Variants in PAK5 observed in about 807,000 individuals in gnomAD.
PAK5 encodes the protein p21 (RAC1) activated kinase 5, also known as serine/threonine-protein kinase PAK 5.
In PAK5, 16 loss-of-function variants were observed where a neutral mutation model predicts 65.9. The observed-to-expected ratio is 0.24, with a 90% confidence interval of 0.16 to 0.37. PAK5 has a LOEUF of 0.37. Ranked by LOEUF, PAK5 falls within the 10% of genes least tolerant of loss-of-function variation. The pLI, the probability that PAK5 is intolerant of heterozygous loss-of-function variation, is 1.00. For missense variants in PAK5, 785 were observed against 903.9 expected (o/e 0.87, Z 1.69); for synonymous variants, 371 against 354.9 (o/e 1.05, Z -0.51).
intron 7 of PAK5, among the ~76,000 whole-genome samples, 155 bp from the exon 8 acceptor site, chr20:9,544,649 G>T (rs577514254): frequency 6.6e-6 from 1 of 152,282 alleles, no homozygotes; most frequent in African/African-American, 2.4e-5. Flanking sequence ...CCTTTTATTG[G>T]AAAGGCATGG....
rs112697891 is a variant in PAK5 at position 9,545,392 on chromosome 20, C to T, written c.1744-898G>A. 5.7e-3 allele frequency among the ~76,000 whole-genome samples: 868 copies of T among 152,280 alleles called. 6 individuals carry two copies. The highest frequency in any genetic ancestry group is 0.02 in the African/African-American group (814 of 41,552). On this transcript the variant is annotated intron_variant, in intron 7 of 9. Transcript: ENST00000353224. ...ATGATGACCTGGTCTGAACTTCAAA[C>T]AGCCTTATGAAAGTGACATCAAAGA...
intron 1 of PAK5, among the ~76,000 whole-genome samples, chr20:9,775,997 A>T (rs1023851408): frequency 5.9e-5 from 9 of 152,252 alleles, no homozygotes; most frequent in Non-Finnish European, 1.2e-4. Context: ...TTTTGGTATC[A>T]TGTAGTAAAG....
At chr20:9,682,358 A>AAAAC (rs58803076) in intron 2 of PAK5, among the ~76,000 whole-genome samples, 16 of 151,592 alleles carry the variant, frequency 1.1e-4, no homozygotes, top group Admixed American at 3.9e-4. Context: ...GTCTGTCTAG[A>AAAAC]AAACAAACAA....
At chr20:9,790,882 CTG>C (rs2049043523) in intron 1 of PAK5, among the ~76,000 whole-genome samples, 1 of 152,122 alleles carries the variant, frequency 6.6e-6, no homozygotes, top group Non-Finnish European at 1.5e-5. Flanking sequence ...ATATCTCACT[CTG>C]TACCATACAC....
chr20:9,746,825 A>G (rs1320334780), intron 1 of PAK5, among the ~76,000 whole-genome samples: 1 of 152,186 alleles, frequency 6.6e-6, no homozygotes, highest in Non-Finnish European at 1.5e-5. Flanking sequence ...TGCAAGAAAT[A>G]ACTAAAATCA....
At chr20:9,589,916 A>G (rs1421922092) in intron 3 of PAK5, among the ~76,000 whole-genome samples, 1 of 152,148 alleles carries the variant, frequency 6.6e-6, no homozygotes, top group Non-Finnish European at 1.5e-5. Context: ...TCATAAAGGT[A>G]AGGCATCTGT....
chr20:9,573,037 C>T (rs1282664976), intron 4 of PAK5, among the ~76,000 whole-genome samples: 1 of 151,806 alleles, frequency 6.6e-6, no homozygotes, highest in Non-Finnish European at 1.5e-5. Flanking sequence ...AAGGAATTCT[C>T]TCTACAGGAA....
rs530739102 is a variant in PAK5 at position 9,539,875 on chromosome 20, T to C, written c.2005-258A>G. The stretch of plus-strand genomic sequence containing the variant: ...ACTTATTTACTACATAAAATAACAG[T>C]GGCAATCACAGTGATAAGAGCAGCT... On this transcript the variant is annotated intron_variant, in intron 9 of 9. Transcript: ENST00000353224. Among the ~76,000 whole-genome samples, 383 of 152,318 alleles carry C rather than the reference T, an allele frequency of 2.5e-3. 1 individual carries two copies. Among genetic ancestry groups the C allele is most frequent in the Middle Eastern group, 0.014 (4 of 294 alleles).
intron 1 of PAK5, among the ~76,000 whole-genome samples, chr20:9,798,731 A>C (rs2049133906): frequency 6.6e-6 from 1 of 152,172 alleles, no homozygotes; most frequent in African/African-American, 2.4e-5. Flanking sequence ...TAGTGAGATC[A>C]ATCTGCCAAG....
At chr20:9,689,231 C>T (rs1384044959) in intron 2 of PAK5, among the ~76,000 whole-genome samples, 1 of 152,166 alleles carries the variant, frequency 6.6e-6, no homozygotes, top group East Asian at 1.9e-4. Context: ...GAGGTTCTGT[C>T]TGCCACTTCT....
At chr20:9,674,466 T>C (rs1308528456) in intron 2 of PAK5, among the ~76,000 whole-genome samples, 1 of 152,212 alleles carries the variant, frequency 6.6e-6, no homozygotes, top group East Asian at 1.9e-4. Context: ...CTGAGGTACT[T>C]CCCTCTATAG....
intron 1 of PAK5, among the ~76,000 whole-genome samples, chr20:9,771,268 T>C (rs2048829110): frequency 6.6e-6 from 1 of 152,214 alleles, no homozygotes; most frequent in South Asian, 2.1e-4. Context: ...TGTCTTTATG[T>C]AGGCTGAACT....
chr20:9,567,008 T>C (rs2045694443), intron 4 of PAK5, among the ~76,000 whole-genome samples: 1 of 152,066 alleles, frequency 6.6e-6, no homozygotes, highest in Admixed American at 6.5e-5. Flanking sequence ...AGGGGATTTA[T>C]TGGAGGAGAA....
chr20:9,755,138 T>G (rs1165304624), intron 1 of PAK5, among the ~76,000 whole-genome samples: 3 of 152,208 alleles, frequency 2.0e-5, no homozygotes, highest in Non-Finnish European at 4.4e-5. Flanking sequence ...GCAATTATTA[T>G]GTAATAAAAC....
At chr20:9,789,502 A>G (rs1292086492) in intron 1 of PAK5, among the ~76,000 whole-genome samples, 1 of 152,140 alleles carries the variant, frequency 6.6e-6, no homozygotes, top group Non-Finnish European at 1.5e-5. Context: ...ATTCTTTTCT[A>G]ATTTTTCTAA....
At chr20:9,807,786 T>TAATAATAATAAC (rs2049251456) in intron 1 of PAK5, among the ~76,000 whole-genome samples, 1 of 149,994 alleles carries the variant, frequency 6.7e-6, no homozygotes, top group African/African-American at 2.4e-5. Flanking sequence ...ATAATAATAA[T>TAATAATAATAAC]AATAAATCCA....
At chr20:9,797,828 G>A (rs1856664322) in intron 1 of PAK5, among the ~76,000 whole-genome samples, 1 of 151,998 alleles carries the variant, frequency 6.6e-6, no homozygotes, top group South Asian at 2.1e-4. Flanking sequence ...AGGCACCTGT[G>A]TATATTAGGG....
intron 3 of PAK5, among the ~76,000 whole-genome samples, chr20:9,617,310 A>G (rs566345690): frequency 6.6e-6 from 1 of 152,292 alleles, no homozygotes; most frequent in South Asian, 2.1e-4. Flanking sequence ...ATCAGTGGAA[A>G]GAAACGAGTT....
chr20:9,807,100 T>A (rs1230656264), intron 1 of PAK5, among the ~76,000 whole-genome samples: 1 of 152,162 alleles, frequency 6.6e-6, no homozygotes, highest in Non-Finnish European at 1.5e-5. Context: ...TCCCGTGTGA[T>A]CATGTTGGGC....
Sources: allele counts gnomAD v4.1 joint callset (sites outside exome capture counted in the v4.1 genomes callset), GRCh38; gene constraint gnomAD v4.1.1; transcripts MANE v1.5; gene names NCBI Gene and HGNC (gene_info 2026-07-23, HGNC 2026-07-21).